CHLSN: variants seen among roughly 807,000 people sequenced by gnomAD.
CHLSN encodes cholesin, also known as protein cholesin.
the CHLSN span, among the ~76,000 whole-genome samples, chr7:1,065,904 C>T: frequency 6.6e-6 from 1 of 152,208 alleles, no homozygotes. Context: ...CCGCGGTTTC[C>T]GGCCTCAAGG....
chr7:1,033,013 G>A, the CHLSN span, among the ~76,000 whole-genome samples: 2 of 152,176 alleles, frequency 1.3e-5, no homozygotes, highest in African/African-American at 2.4e-5. Flanking sequence ...CCCAGGCCAC[G>A]GACAGTCTCG....
the CHLSN span, among the ~76,000 whole-genome samples, chr7:1,083,483 C>T: frequency 6.6e-6 from 1 of 152,032 alleles, no homozygotes; most frequent in African/African-American, 2.4e-5. Context: ...AAAAAATTAG[C>T]CGGGCCTGGT....
the CHLSN span, among the ~76,000 whole-genome samples, chr7:1,000,304 C>T: frequency 4.1e-5 from 6 of 148,100 alleles, no homozygotes; most frequent in South Asian, 1.1e-3. Context: ...CGTGCACAGA[C>T]CTCAGCCCCC....
chr7:1,061,456 T>C, the CHLSN span, among the ~76,000 whole-genome samples: 5 of 151,908 alleles, frequency 3.3e-5, no homozygotes, highest in African/African-American at 1.2e-4. Flanking sequence ...CAGCCTCTGC[T>C]GCCTGAGACC....
the CHLSN span, among the ~76,000 whole-genome samples, chr7:1,133,392 C>CAAAAAAAAAAAAAAA: frequency 1.1e-5 from 1 of 91,096 alleles, no homozygotes; most frequent in African/African-American, 4.0e-5. Flanking sequence ...CGATATACTG[C>CAAAAAAAAAAAAAAA]AAAAAAAAAA....
the CHLSN span, among the ~76,000 whole-genome samples, chr7:1,134,627 G>T: frequency 4.6e-5 from 7 of 151,866 alleles, no homozygotes; most frequent in Non-Finnish European, 8.8e-5. Flanking sequence ...CCAGCACTTT[G>T]GGAGGCCGAG....
At chr7:1,098,588 G>A in the CHLSN span, among the ~76,000 whole-genome samples, 1 of 151,862 alleles carries the variant, frequency 6.6e-6, no homozygotes, top group Admixed American at 6.6e-5. Flanking sequence ...GAGTGGAGCT[G>A]CCACGCTCAG....
At chr7:986,170 C>T in the CHLSN span, among the ~76,000 whole-genome samples, 13 of 152,264 alleles carry the variant, frequency 8.5e-5, no homozygotes, top group Admixed American at 5.9e-4. Flanking sequence ...CCCAGGAAGG[C>T]GAGTGGCACG....
the CHLSN span, among the ~76,000 whole-genome samples, chr7:1,011,766 C>T: frequency 6.6e-6 from 1 of 152,066 alleles, no homozygotes; most frequent in Non-Finnish European, 1.5e-5. Context: ...CCAACACACC[C>T]ACAGCCACAC....
chr7:999,444 T>TAGGGCTTGCAATCGGCTTGCAAC, the CHLSN span, among the ~76,000 whole-genome samples: 1 of 152,166 alleles, frequency 6.6e-6, no homozygotes, highest in African/African-American at 2.4e-5. Context: ...CGGCTTGCAA[T>TAGGGCTTGCAATCGGCTTGCAAC]AGGGCTTGCA....
At chr7:1,038,805 G>A in the CHLSN span, among the ~76,000 whole-genome samples, 1 of 48,202 alleles carries the variant, frequency 2.1e-5, no homozygotes, top group African/African-American at 9.1e-5. Flanking sequence ...CCCTCTGCCC[G>A]GCCAGCCGCC....
chr7:1,098,468 C>T, the CHLSN span, among the ~76,000 whole-genome samples: 1 of 152,346 alleles, frequency 6.6e-6, no homozygotes, highest in Middle Eastern at 3.4e-3. Flanking sequence ...GTGGACCACA[C>T]CACAGCATGG....
the CHLSN span, among the ~76,000 whole-genome samples, chr7:991,388 G>A: frequency 3.3e-5 from 5 of 151,190 alleles, no homozygotes; most frequent in Non-Finnish European, 5.9e-5. Flanking sequence ...ATCCTCAAGT[G>A]TAAACAAGCC....
the CHLSN span, among the ~76,000 whole-genome samples, chr7:1,016,947 C>A: frequency 1.4e-5 from 2 of 140,888 alleles, no homozygotes; most frequent in African/African-American, 2.7e-5. Context: ...CGCCAGCACA[C>A]GCCAGCGCAC....
chr7:1,011,081 C>A, the CHLSN span, among the ~76,000 whole-genome samples: 9 of 149,216 alleles, frequency 6.0e-5, no homozygotes, highest in African/African-American at 9.9e-5. Flanking sequence ...CCGACACAGA[C>A]ACACACATTC....
chr7:1,093,583 C>T, the CHLSN span: 9 of 471,188 alleles, frequency 1.9e-5, no homozygotes, highest in South Asian at 1.4e-4. Flanking sequence ...TTGACATCAA[C>T]ATGGCAATTG....
At chr7:1,124,976 C>CT in the CHLSN span, among the ~76,000 whole-genome samples, 1 of 152,292 alleles carries the variant, frequency 6.6e-6, no homozygotes, top group African/African-American at 2.4e-5. Context: ...GGGGTGCTGT[C>CT]TGGCTTCCCT....
chr7:1,057,723 GC>G, the CHLSN span: 2 of 775,322 alleles, frequency 2.6e-6, no homozygotes, highest in African/African-American at 1.7e-5. Context: ...TGTCAACATG[GC>G]AGTGGCAGGC....
At chr7:1,075,665 T>G in the CHLSN span, among the ~76,000 whole-genome samples, 11 of 144,884 alleles carry the variant, frequency 7.6e-5, no homozygotes, top group Non-Finnish European at 1.4e-4. Context: ...CAGGCTGGAG[T>G]GCAGTGGCGC....
Sources: allele counts gnomAD v4.1 joint callset (sites outside exome capture counted in the v4.1 genomes callset), GRCh38; gene constraint gnomAD v4.1.1; transcripts MANE v1.5; gene names NCBI Gene and HGNC (gene_info 2026-07-23, HGNC 2026-07-21).